PI4K2B: variants seen among roughly 807,000 people sequenced by gnomAD.
The protein encoded by PI4K2B is phosphatidylinositol 4-kinase type 2 beta, also known as phosphatidylinositol 4-kinase type 2-beta.
Under a neutral mutation model 56.6 loss-of-function variants are expected in PI4K2B, and 46 were observed. The observed-to-expected ratio is 0.81, with a 90% CI of 0.64 to 1.04. PI4K2B has a LOEUF of 1.04. Ranked by LOEUF, PI4K2B falls within the 50% of genes least tolerant of loss-of-function variation. PI4K2B has a pLI of 0.00. For synonymous variants in PI4K2B, 211 were observed against 223.8 expected (o/e 0.94, Z 0.51); for missense variants, 556 against 607.7 (o/e 0.91, Z 0.89).
chr4:25,246,164 A>G (rs992926327), intron 1 of PI4K2B, among the ~76,000 whole-genome samples: 8 of 152,150 alleles, frequency 5.3e-5, no homozygotes, highest in Non-Finnish European at 1.0e-4. Context: ...GAGCAGCAGC[A>G]AGATTTATTG....
chr4:25,268,645 G>A, intron 8 of PI4K2B, 69 bp downstream of exon 8: 1 of 1,083,942 alleles, frequency 9.2e-7, no homozygotes, highest in Admixed American at 2.9e-5. Flanking sequence ...GCTTAATAGA[G>A]CTGATTTGCA....
At position 25,234,098 on chromosome 4, in the gene PI4K2B, A is replaced by G; in HGVS notation, c.-66A>G. On this transcript the variant is annotated 5_prime_UTR_variant, in exon 1 of 10. Coordinates refer to ENST00000264864, the MANE Select transcript of PI4K2B (RefSeq NM_018323.4). ...CGGTCGCTCCCGTTCCGCGCCATGC[A>G]GAGCCCAGTCTCTGGCACCTGGCTG... 6 of 1,217,042 alleles carry G rather than the reference A, an allele frequency of 4.9e-6. No homozygotes were observed. Among genetic ancestry groups the G allele is most frequent in the East Asian group, 3.2e-5 (1 of 31,508 alleles). 75.4% of individuals were successfully genotyped at this position (1,217,042 alleles called of 1,614,324 possible). A position where few individuals can be genotyped will look rare whatever the true frequency, so the allele number is the denominator to read the frequency against.
At chr4:25,268,080 A>G (rs1161170160) in intron 7 of PI4K2B, among the ~76,000 whole-genome samples, 2 of 152,174 alleles carry the variant, frequency 1.3e-5, no homozygotes, top group Non-Finnish European at 2.9e-5. Flanking sequence ...AGTGAGACCC[A>G]TTATCTTAAA....
intron 5 of PI4K2B, among the ~76,000 whole-genome samples, 185 bp downstream of exon 5, chr4:25,259,375 G>A (rs1225323558): frequency 6.6e-6 from 1 of 152,104 alleles, no homozygotes; most frequent in African/African-American, 2.4e-5. Context: ...GATAGATTCT[G>A]ACTCATAGCA....
At chr4:25,276,609 T>G (rs1717104832) in intron 9 of PI4K2B, 1 of 973,150 alleles carries the variant, frequency 1.0e-6, no homozygotes, top group Non-Finnish European at 1.2e-6. Context: ...ATTTGTTGAA[T>G]GAATGGATAA....
chr4:25,249,140 G>A (rs1229154206), intron 1 of PI4K2B, among the ~76,000 whole-genome samples: 9 of 152,346 alleles, frequency 5.9e-5, no homozygotes, highest in South Asian at 2.1e-4. Flanking sequence ...TAAGGTTATA[G>A]ATTAACAGCA....
At chr4:25,243,153 A>G (rs1324891980) in intron 1 of PI4K2B, among the ~76,000 whole-genome samples, 1 of 152,198 alleles carries the variant, frequency 6.6e-6, no homozygotes, top group Non-Finnish European at 1.5e-5. Context: ...CCTGGCCCTC[A>G]ATAGTTAAAC....
intron 1 of PI4K2B, among the ~76,000 whole-genome samples, chr4:25,247,851 A>C (rs1403804052): frequency 1.3e-5 from 2 of 152,104 alleles, no homozygotes; most frequent in Non-Finnish European, 2.9e-5. Flanking sequence ...CTACAGGTAC[A>C]TGCCACTATA....
intron 9 of PI4K2B, among the ~76,000 whole-genome samples, chr4:25,270,116 C>T (rs1049127483): frequency 2.6e-5 from 4 of 152,142 alleles, no homozygotes; most frequent in Admixed American, 6.5e-5. Context: ...TTTTCTTGGG[C>T]ATCACTACCT....
At chr4:25,276,435 C>G (rs556932440) in intron 9 of PI4K2B, 96 of 218,168 alleles carry the variant, frequency 4.4e-4, no homozygotes, top group African/African-American at 1.7e-3. Flanking sequence ...TTTCCCATAG[C>G]AATTTCACCT....
chr4:25,236,238 TAA>T (rs1715257505), intron 1 of PI4K2B, among the ~76,000 whole-genome samples: 1 of 140,842 alleles, frequency 7.1e-6, no homozygotes, highest in African/African-American at 2.7e-5. Flanking sequence ...AATAAATAAA[TAA>T]ATAAATAAAT....
chr4:25,249,564 G>T (rs1332555088), intron 1 of PI4K2B, among the ~76,000 whole-genome samples: 1 of 145,232 alleles, frequency 6.9e-6, no homozygotes, highest in Non-Finnish European at 1.5e-5. Context: ...GGGCGGAGGG[G>T]CTCCTCACTT....
chr4:25,275,659 AAAAAC>A (rs913849314), intron 9 of PI4K2B, among the ~76,000 whole-genome samples: 9 of 151,798 alleles, frequency 5.9e-5, no homozygotes, highest in African/African-American at 1.5e-4. Context: ...ACCCTGTCTC[AAAAAC>A]AAAACAAAAC....
chr4:25,274,358 T>G (rs1487346959), intron 9 of PI4K2B, among the ~76,000 whole-genome samples: 1 of 152,182 alleles, frequency 6.6e-6, no homozygotes, highest in Non-Finnish European at 1.5e-5. Flanking sequence ...TGGAGAAGTC[T>G]AGTGTCTCCC....
chr4:25,234,050 G>A lies in PI4K2B; in HGVS notation c.-114G>A. On this transcript the variant is annotated 5_prime_UTR_variant, in exon 1 of 10. Transcript: ENST00000264864. ...CGGGCGCCAAGCGTGCCCGTGCGCT[G>A]GTGAGGTGGCGTCCGTTCTACCCGG... 1 of 930,996 alleles carries A rather than the reference G, an allele frequency of 1.1e-6. No homozygotes were observed. The highest frequency in any genetic ancestry group is 1.4e-6 in the Non-Finnish European group (1 of 713,640). The allele number at this position is 930,996 out of a possible 1,614,324, so 57.7% of individuals were successfully genotyped here. A position where few individuals can be genotyped will look rare whatever the true frequency, so the allele number is the denominator to read the frequency against.
chr4:25,257,470 T>C (rs1048053115), intron 4 of PI4K2B, among the ~76,000 whole-genome samples: 1 of 152,162 alleles, frequency 6.6e-6, no homozygotes, highest in Non-Finnish European at 1.5e-5. Context: ...ACTTGGTACA[T>C]AGTAAAGGTT....
intron 2 of PI4K2B, among the ~76,000 whole-genome samples, chr4:25,254,680 T>TG (rs1332905548): frequency 6.6e-6 from 1 of 152,102 alleles, no homozygotes; most frequent in Admixed American, 6.5e-5. Flanking sequence ...CCCAAAGTGC[T>TG]GGATTACAGG....
intron 1 of PI4K2B, among the ~76,000 whole-genome samples, chr4:25,246,358 T>C (rs2109090057): frequency 6.6e-6 from 1 of 152,264 alleles, no homozygotes; most frequent in African/African-American, 2.4e-5. Context: ...TTTGACAGGG[T>C]GCTGATTGGT....
At chr4:25,276,619 A>C in intron 9 of PI4K2B, 1 of 979,002 alleles carries the variant, frequency 1.0e-6, no homozygotes, top group Non-Finnish European at 1.2e-6. Context: ...TGAATGGATA[A>C]GGCAAGTATT....
Sources: allele counts gnomAD v4.1 joint callset (sites outside exome capture counted in the v4.1 genomes callset), GRCh38; gene constraint gnomAD v4.1.1; transcripts MANE v1.5; gene names NCBI Gene and HGNC (gene_info 2026-07-23, HGNC 2026-07-21).